The following TMPRSS11D variants were observed in gnomAD, a reference collection of about 807,000 sequenced individuals.
The protein encoded by TMPRSS11D is transmembrane protease serine 11D.
Under a neutral mutation model 44.4 loss-of-function variants are expected in TMPRSS11D, and 32 were observed. The observed-to-expected ratio is 0.72, with a 90% confidence interval of 0.54 to 0.97. The LOEUF (loss-of-function observed/expected upper bound fraction) is 0.97. Among genes scored for constraint, TMPRSS11D ranks in the 50% least tolerant of loss-of-function variants. The probability of loss-of-function intolerance (pLI) is 0.00; values close to 1 mark genes in which losing one functional copy is unlikely to be tolerated. For missense variants in TMPRSS11D, 446 were observed against 502.6 expected, an observed-to-expected ratio of 0.89 and a Z score of 1.08; for synonymous variants, 179 against 177.9, an observed-to-expected ratio of 1.01 and a Z score of -0.05.
intron 3 of TMPRSS11D, among the ~76,000 whole-genome samples, chr4:67,853,079 G>A (rs1264128794): frequency 6.6e-6 from 1 of 152,164 alleles, no homozygotes; most frequent in Non-Finnish European, 1.5e-5. Context: ...GGCACACGAT[G>A]GCTGAAATAT....
chr4:67,876,326 T>G (rs1719190078), intron 1 of TMPRSS11D, among the ~76,000 whole-genome samples: 1 of 152,162 alleles, frequency 6.6e-6, no homozygotes, highest in South Asian at 2.1e-4. Context: ...GTACTTAGAT[T>G]CTGTTGTATG....
chr4:67,847,111 G>C (rs1010932752), intron 3 of TMPRSS11D, among the ~76,000 whole-genome samples: 1 of 151,988 alleles, frequency 6.6e-6, no homozygotes, highest in African/African-American at 2.4e-5. Flanking sequence ...GCCATGTTGG[G>C]CAGGCTGGTC....
chr4:67,821,475 C>T lies in TMPRSS11D; in HGVS notation c.*862G>A, dbSNP rs994808513. On this transcript the variant is annotated 3_prime_UTR_variant, in exon 10 of 10. Coordinates refer to ENST00000283916, the MANE Select transcript of TMPRSS11D (RefSeq NM_004262.3). Reference sequence around the variant, plus strand: ...CAGTGATAGGAAGTCTGTAGTGGGACGTTCTTCCCGATGATTAAATTTTTC... The same window carrying T: ...CAGTGATAGGAAGTCTGTAGTGGGATGTTCTTCCCGATGATTAAATTTTTC... The T allele has an allele frequency of 4.6e-5, 7 of 152,106 alleles. No individual in the cohort carries two copies. Among genetic ancestry groups the T allele is most frequent in the East Asian group, 1.9e-4 (1 of 5,196 alleles). The allele number at this position is 152,106 out of a possible 1,614,324, so 9.4% of individuals were successfully genotyped here.
rs1428314205 is a variant in TMPRSS11D, at chr4:67,825,741, G to A, written c.1086C>T (p.Asp362=). The A allele has an allele frequency of 9.9e-6, 16 of 1,612,522 alleles. No individual in the cohort carries two copies. The highest frequency in any genetic ancestry group is 5.3e-5 in the African/African-American group (4 of 74,802). ...ATTGTCTTGAGCTTACCTGACATGC[G>A]TCCACTCCACCTTGAGGTACTCCAG... ...LCAGVPQGGV[D]ACQGDSGGPL... is the part of the protein sequence containing the mutation. Residue 362 remains aspartate, a synonymous_variant, in exon 9 of 10, where the codon GAC becomes GAT. Transcript: ENST00000283916.
intron 7 of TMPRSS11D, 76 bp downstream of exon 7, chr4:67,833,128 C>A: frequency 8.0e-7 from 1 of 1,251,458 alleles, no homozygotes; most frequent in African/African-American, 1.5e-5. Context: ...TCAATTCAAT[C>A]CTAGGGTAGA....
At chr4:67,851,801 C>G (rs1718516830) in intron 3 of TMPRSS11D, among the ~76,000 whole-genome samples, 1 of 152,214 alleles carries the variant, frequency 6.6e-6, no homozygotes. Context: ...TAACCTGTCA[C>G]TTCTCATCCT....
At chr4:67,822,647 T>C (rs1402697068) in intron 9 of TMPRSS11D, 149 bp from the exon 10 acceptor site, 2 of 845,546 alleles carry the variant, frequency 2.4e-6, no homozygotes, top group African/African-American at 3.4e-5. Context: ...TACCAAGTCA[T>C]GGAAAAATTA....
chr4:67,862,344 C>CA (rs2109691620), intron 1 of TMPRSS11D, among the ~76,000 whole-genome samples: 1 of 152,140 alleles, frequency 6.6e-6, no homozygotes, highest in East Asian at 1.9e-4. Context: ...GAGCTGGAAA[C>CA]AGAAACCAGG....
chr4:67,857,001 G>A (rs1718653477), intron 2 of TMPRSS11D, among the ~76,000 whole-genome samples: 1 of 152,020 alleles, frequency 6.6e-6, no homozygotes, highest in African/African-American at 2.4e-5. Context: ...TGGTGAGAGT[G>A]CAGAGAGAAG....
intron 7 of TMPRSS11D, among the ~76,000 whole-genome samples, 165 bp downstream of exon 7, chr4:67,833,039 C>T (rs6834472): frequency 0.79 from 119,361 of 152,040 alleles, 47,821 homozygotes; most frequent in Middle Eastern, 0.89. Context: ...AATTAGCATG[C>T]TAAAGGGGAA....
At chr4:67,877,577 T>G (rs1049818521) in intron 1 of TMPRSS11D, among the ~76,000 whole-genome samples, 2 of 152,212 alleles carry the variant, frequency 1.3e-5, no homozygotes, top group African/African-American at 4.8e-5. Flanking sequence ...AAAGCTGAAT[T>G]GATCATCTTC....
chr4:67,881,262 TTAAG>T (rs1409740892), intron 1 of TMPRSS11D, among the ~76,000 whole-genome samples: 1 of 152,188 alleles, frequency 6.6e-6, no homozygotes, highest in East Asian at 1.9e-4. Context: ...CAGTAGTGTG[TTAAG>T]TAAGCAATGA....
chr4:67,854,003 A>G, intron 3 of TMPRSS11D, 65 bp downstream of exon 3: 2 of 976,910 alleles, frequency 2.0e-6, no homozygotes, highest in South Asian at 3.3e-5. Flanking sequence ...ATATTACAAA[A>G]CATTAGGTTT....
chr4:67,825,200 T>C (rs1717762559), intron 9 of TMPRSS11D, among the ~76,000 whole-genome samples: 1 of 151,864 alleles, frequency 6.6e-6, no homozygotes, highest in Admixed American at 6.6e-5. Flanking sequence ...ACGTATCTCT[T>C]AAAATTCATT....
At chr4:67,843,112 T>C (rs1402557752) in intron 3 of TMPRSS11D, among the ~76,000 whole-genome samples, 1 of 151,364 alleles carries the variant, frequency 6.6e-6, no homozygotes, top group African/African-American at 2.4e-5. Flanking sequence ...GTCTTTTTTT[T>C]TTTTTTTTTT....
intron 3 of TMPRSS11D, among the ~76,000 whole-genome samples, chr4:67,844,784 A>G (rs1718320128): frequency 6.6e-6 from 1 of 152,148 alleles, no homozygotes; most frequent in Non-Finnish European, 1.5e-5. Context: ...GTTTAAAAAA[A>G]AGGAAAAAAA....
chr4:67,878,296 A>G (rs1719242830), intron 1 of TMPRSS11D, among the ~76,000 whole-genome samples: 1 of 152,192 alleles, frequency 6.6e-6, no homozygotes, highest in African/African-American at 2.4e-5. Context: ...ACATATTTCC[A>G]TGTTAATCAC....
intron 1 of TMPRSS11D, among the ~76,000 whole-genome samples, chr4:67,877,471 G>C (rs958213316): frequency 3.9e-5 from 6 of 152,086 alleles, no homozygotes; most frequent in Non-Finnish European, 7.4e-5. Context: ...CAAAAATTAC[G>C]CCTGAGAAAC....
Position 67,822,457 on chromosome 4 carries a change from C to T in TMPRSS11D, c.1137G>A (p.Arg379=). ...GGPLVQEDSR[R]LWFIVGIVSW... ...TTACTATCCCCACAATAAACCAAAGCCGCCGTGAGTCTTCTTGTACTAGTG... is the reference window on the plus strand; with the variant it reads ...TTACTATCCCCACAATAAACCAAAGTCGCCGTGAGTCTTCTTGTACTAGTG... The change falls in exon 10 of 10, where the codon CGG becomes CGA. Residue 379 remains arginine, a synonymous_variant. Coordinates refer to ENST00000283916, the MANE Select transcript of TMPRSS11D (RefSeq NM_004262.3). 4 of 1,613,890 alleles carry T rather than the reference C, an allele frequency of 2.5e-6. No individual in the cohort carries two copies. Among genetic ancestry groups the T allele is most frequent in the Non-Finnish European group, 3.4e-6 (4 of 1,179,880 alleles).
Sources: allele counts gnomAD v4.1 joint callset (sites outside exome capture counted in the v4.1 genomes callset), GRCh38; gene constraint gnomAD v4.1.1; transcripts MANE v1.5; gene names NCBI Gene and HGNC (gene_info 2026-07-23, HGNC 2026-07-21).